Variants in TFAP2A observed in about 807,000 individuals in gnomAD.
The protein encoded by TFAP2A is transcription factor AP-2-alpha.
In TFAP2A, 7 loss-of-function variants were observed where a neutral mutation model predicts 41.5. The ratio of observed to expected loss-of-function variants is 0.17; its 90% confidence interval spans 0.10 to 0.32. The LOEUF is 0.32. TFAP2A is among the 10% of genes least tolerant of loss of function. TFAP2A has a pLI of 1.00. For missense variants in TFAP2A, 416 were observed against 563.3 expected (o/e 0.74, Z 2.65); for synonymous variants, 247 against 242.8 (o/e 1.02, Z -0.16).
chr6:10,410,086 G>T lies in TFAP2A; in HGVS notation c.301C>A (p.Gln101Lys). 6.2e-7 allele frequency: 1 copy of T among 1,613,030 alleles called. No homozygotes were observed. The highest frequency in any genetic ancestry group is 1.1e-5 in the South Asian group (1 of 91,044). The change falls in exon 2 of 7, where the codon CAG (glutamine) becomes AAG (lysine). Residue 101 changes from glutamine (Q) to lysine (K), a missense_variant. Around this residue, in one of 3 missense-constraint regions of TFAP2A, gnomAD observed 241 missense variants for 274.1 expected, o/e 0.88. Coordinates refer to ENST00000379613, the MANE Select transcript of TFAP2A (RefSeq NM_001372066.1). Reference sequence around the variant, plus strand: ...AGCCCAGACTCCTGGCTCTGCCTCTGGCCGGGCCAGCCTGGGTGCTGCGGC... The same window carrying T: ...AGCCCAGACTCCTGGCTCTGCCTCTTGCCGGGCCAGCCTGGGTGCTGCGGC... ...PQPQHPGWPG[Q>K]RQSQESGLLH...
intron 4 of TFAP2A, among the ~76,000 whole-genome samples, 191 bp downstream of exon 4, chr6:10,404,317 C>G (rs1427279743): frequency 6.6e-6 from 1 of 152,200 alleles, no homozygotes; most frequent in Non-Finnish European, 1.5e-5. Context: ...CAGGCGCGCG[C>G]CGCATCGCCC....
At chr6:10,404,249 G>C (rs1040920545) in intron 4 of TFAP2A, among the ~76,000 whole-genome samples, 3 of 152,204 alleles carry the variant, frequency 2.0e-5, no homozygotes, top group Non-Finnish European at 4.4e-5. Context: ...CTCCGCGAGC[G>C]CGCGGCAGCG....
chr6:10,402,729 C>T, intron 4 of TFAP2A, 119 bp from the exon 5 acceptor site: 1 of 806,940 alleles, frequency 1.2e-6, no homozygotes, highest in Non-Finnish European at 2.1e-6. Context: ...AGCTTGGCCC[C>T]AAGACATTTA....
intron 4 of TFAP2A, among the ~76,000 whole-genome samples, chr6:10,404,229 G>GAGCGGAGGACTCCGCGAGCGCGC (rs1757570273): frequency 6.6e-6 from 1 of 152,226 alleles, no homozygotes; most frequent in Non-Finnish European, 1.5e-5. Flanking sequence ...GAGGAGGGCG[G>GAGCGGAGGACTCCGCGAGCGCGC]AGCGGAGGAC....
At chr6:10,415,268 A>G, upstream of TFAP2A, 1 of 1,423,774 alleles carries the variant, frequency 7.0e-7, no homozygotes, top group East Asian at 2.6e-5. Context: ...CTAATGGTAG[A>G]AACTTTTCCC....
chr6:10,406,919 G>A (rs760299385), intron 2 of TFAP2A, 75 bp from the exon 3 acceptor site: 85 of 1,167,360 alleles, frequency 7.3e-5, no homozygotes, highest in South Asian at 1.3e-4. Flanking sequence ...TGCAAGATGG[G>A]AGGAGGGGAA....
In TFAP2A at chr6:10,410,117, C is replaced by T. The variant is rs1427256978; in HGVS notation, c.270G>A (p.Gln90=). Residue 90 remains glutamine (Q), a synonymous_variant, in exon 2 of 7, where the codon CAG becomes CAA. Transcript: ENST00000379613. The part of the protein sequence containing the change: ...DPYSLNPLHA[Q]PQPQHPGWPG... The stretch of plus-strand genomic sequence containing the variant: ...GCCAGCCTGGGTGCTGCGGCTGCGG[C>T]TGGGCGTGCAGGGGGTTCAGGCTGT... The T allele has an allele frequency of 6.2e-7, 1 of 1,610,202 alleles. No homozygotes were observed. The highest frequency in any genetic ancestry group is 1.7e-5 in the Admixed American group (1 of 59,686).
upstream of TFAP2A, among the ~76,000 whole-genome samples, chr6:10,418,995 G>A (rs529684720): frequency 6.6e-6 from 1 of 152,208 alleles, no homozygotes; most frequent in Admixed American, 6.5e-5. Flanking sequence ...CTAGGGCGAG[G>A]CCGCAGGCGC....
intron 1 of TFAP2A, chr6:10,412,356 G>A: frequency 1.1e-6 from 1 of 918,324 alleles, no homozygotes; most frequent in Non-Finnish European, 1.3e-6. Context: ...CAGAGAGGGA[G>A]AATGTGTCTG....
intron 1 of TFAP2A, chr6:10,414,698 C>T (rs924369922): frequency 1.6e-6 from 1 of 634,756 alleles, no homozygotes; most frequent in Admixed American, 2.5e-5. Flanking sequence ...CAAAATTGGT[C>T]AGAAAGGGGA....
rs1369817528 is a variant in TFAP2A at position 10,398,996 on chromosome 6, A to T, written c.1032-291T>A. Among the ~76,000 whole-genome samples the T allele has an allele frequency of 6.6e-6, 1 of 152,180 alleles. No individual in the cohort carries two copies. The highest frequency in any genetic ancestry group is 2.4e-5 in the African/African-American group (1 of 41,430). On this transcript the variant is annotated intron_variant, in intron 6 of 6. Coordinates refer to ENST00000379613, the MANE Select transcript of TFAP2A (RefSeq NM_001372066.1). This position sits in a 1 kb window ranked among gnomAD's most constrained non-coding sequence, Gnocchi z 5.3. Reference sequence around the variant, plus strand: ...CCCACCTTTCTCCCTCACACAAAACATCCTAGACATAGGAAACCATTTCAC... The same window carrying T: ...CCCACCTTTCTCCCTCACACAAAACTTCCTAGACATAGGAAACCATTTCAC...
At chr6:10,409,781 T>TA in intron 2 of TFAP2A, 120 bp downstream of exon 2, 1 of 1,262,630 alleles carries the variant, frequency 7.9e-7, no homozygotes, top group Non-Finnish European at 1.1e-6. Context: ...GAATAAAATG[T>TA]TTTTATAAGG....
rs550611281 is a variant in TFAP2A at position 10,398,585 on chromosome 6, G to A, written c.1152C>T (p.Ile384=). The A allele has an allele frequency of 1.9e-6, 3 of 1,614,260 alleles. No homozygotes were observed. The highest frequency in any genetic ancestry group is 1.1e-5 in the South Asian group (1 of 91,084). ...IQSCLTHFNL[I]SHGFGSPAVC... is the part of the protein sequence containing the mutation. ...CCGCGGGGCTGCCGAAGCCGTGGGA[G>A]ATGAGGTTGAAGTGGGTCAAGCAGC... Residue 384 remains isoleucine (I), a synonymous_variant, in exon 7 of 7, where the codon ATC becomes ATT. Transcript: ENST00000379613. This position sits in a 1 kb window ranked among gnomAD's most constrained non-coding sequence, Gnocchi z 5.3.
Position 10,415,021 on chromosome 6 carries a change from G to A in TFAP2A, c.-30C>T. 6.2e-7 allele frequency: 1 copy of A among 1,614,054 alleles called. No homozygotes were observed. On this transcript the variant is annotated 5_prime_UTR_variant, in exon 1 of 7. Transcript: ENST00000379613. ...CGGCGTGAACGGATATGCCCCTCTC[G>A]GTCTCGCACCCAAGTGGAGCTACTC... is the stretch of plus-strand genomic sequence containing the variant.
chr6:10,401,625 T>C (rs1299103644), intron 5 of TFAP2A, among the ~76,000 whole-genome samples: 3 of 152,266 alleles, frequency 2.0e-5, no homozygotes, highest in African/African-American at 4.8e-5. Flanking sequence ...CTTCTTTAAA[T>C]ATATATACAT....
intron 4 of TFAP2A, among the ~76,000 whole-genome samples, chr6:10,403,932 T>C (rs1028615229): frequency 2.0e-5 from 3 of 152,070 alleles, no homozygotes; most frequent in Admixed American, 2.0e-4. Context: ...ACGCCTATAG[T>C]ATGGGGGTCT....
At chr6:10,401,478 C>T (rs1321545767) in intron 5 of TFAP2A, among the ~76,000 whole-genome samples, 1 of 152,176 alleles carries the variant, frequency 6.6e-6, no homozygotes, top group East Asian at 1.9e-4. Context: ...TCTCTGACAT[C>T]ATCAACAAAG....
At chr6:10,418,134 A>T (rs976688127), upstream of TFAP2A, 19 of 152,226 alleles carry the variant, frequency 1.2e-4, no homozygotes, top group African/African-American at 4.3e-4. Context: ...TCCTTAAACC[A>T]CGAGGTTTGT....
In TFAP2A at chr6:10,398,743, T is replaced by C; in HGVS notation, c.1032-38A>G. On this transcript the variant is annotated intron_variant, in intron 6 of 6. Transcript: ENST00000379613. The surrounding 1 kb of genome is among the most constrained non-coding windows in gnomAD (Gnocchi z 5.3). ...TGGAGCAGAGAGAGAGACATAAGGC[T>C]CCACTATGGGCAGCACTAGCAGCAA... The C allele has an allele frequency of 6.2e-7, 1 of 1,610,080 alleles. No homozygotes were observed. Among genetic ancestry groups the C allele is most frequent in the South Asian group, 1.1e-5 (1 of 90,998 alleles).
Sources: allele counts gnomAD v4.1 joint callset (sites outside exome capture counted in the v4.1 genomes callset), GRCh38; gene constraint gnomAD v4.1.1; regional missense constraint gnomAD v4.1.1; non-coding constraint Gnocchi (gnomAD v3.1); transcripts MANE v1.5; gene names NCBI Gene and HGNC (gene_info 2026-07-23, HGNC 2026-07-21).